Variants in SH3BGRL2 observed in about 807,000 individuals in gnomAD.
SH3BGRL2 encodes SH3 domain binding glutamate rich protein like 2, also known as SH3 domain-binding glutamic acid-rich-like protein 2.
In SH3BGRL2, 21 loss-of-function variants were observed where a neutral mutation model predicts 14.8. The observed-to-expected ratio is 1.42, with a 90% confidence interval of 1.01 to 2.05. The LOEUF (loss-of-function observed/expected upper bound fraction) is 2.05, where lower values mean the gene tolerates loss of function less well. Among genes scored for constraint, SH3BGRL2 ranks in the 30% most tolerant of loss-of-function variants. The pLI is 0.00. For synonymous variants in SH3BGRL2, 50 were observed against 47.8 expected, an observed-to-expected ratio of 1.05 and a Z score of -0.19; for missense variants, 147 against 130.8, an observed-to-expected ratio of 1.12 and a Z score of -0.61.
intron 3 of SH3BGRL2, 122 bp from the exon 4 acceptor site, chr6:79,699,376 T>C: frequency 1.7e-6 from 2 of 1,143,588 alleles, no homozygotes. Flanking sequence ...GGAGGTGATC[T>C]GTTATGATTT....
the SH3BGRL2 span, among the ~76,000 whole-genome samples, chr6:79,625,494 C>T: frequency 0.27 from 40,242 of 151,836 alleles, 5,422 homozygotes; most frequent in East Asian, 0.31. Flanking sequence ...TTAATTATGG[C>T]CTCTAAACTT....
At chr6:79,659,358 C>T (rs1769491939) in intron 1 of SH3BGRL2, among the ~76,000 whole-genome samples, 2 of 152,178 alleles carry the variant, frequency 1.3e-5, no homozygotes, top group African/African-American at 4.8e-5. Flanking sequence ...CTACATATGG[C>T]TAGCCAGTTT....
At chr6:79,655,676 G>A (rs1392700510) in intron 1 of SH3BGRL2, among the ~76,000 whole-genome samples, 1 of 152,078 alleles carries the variant, frequency 6.6e-6, no homozygotes, top group African/African-American at 2.4e-5. Flanking sequence ...CATACAAATG[G>A]AATTATATGA....
At chr6:79,625,572 A>G in the SH3BGRL2 span, among the ~76,000 whole-genome samples, 1 of 152,226 alleles carries the variant, frequency 6.6e-6, no homozygotes, top group African/African-American at 2.4e-5. Flanking sequence ...AGGCTTATAC[A>G]AAACCAGATA....
At chr6:79,544,262 C>G in the SH3BGRL2 span, among the ~76,000 whole-genome samples, 1 of 152,072 alleles carries the variant, frequency 6.6e-6, no homozygotes, top group Non-Finnish European at 1.5e-5. Flanking sequence ...CTAGAGCAAG[C>G]CAATGGAGTT....
chr6:79,681,428 T>G (rs1769985691), intron 2 of SH3BGRL2, among the ~76,000 whole-genome samples: 1 of 152,144 alleles, frequency 6.6e-6, no homozygotes, highest in Non-Finnish European at 1.5e-5. Flanking sequence ...AAGTAGTGAT[T>G]TGGGGCTAAC....
At chr6:79,584,397 T>C in the SH3BGRL2 span, among the ~76,000 whole-genome samples, 2 of 152,174 alleles carry the variant, frequency 1.3e-5, no homozygotes, top group African/African-American at 4.8e-5. Context: ...ATTATTTTAA[T>C]TGTTATTTTT....
the SH3BGRL2 span, among the ~76,000 whole-genome samples, chr6:79,607,320 C>G: frequency 6.6e-6 from 1 of 152,152 alleles, no homozygotes; most frequent in Non-Finnish European, 1.5e-5. Flanking sequence ...AAGCAGAGCC[C>G]TGGACTATTA....
chr6:79,692,155 T>C (rs1209464652), intron 2 of SH3BGRL2, among the ~76,000 whole-genome samples: 1 of 152,272 alleles, frequency 6.6e-6, no homozygotes, highest in Non-Finnish European at 1.5e-5. Flanking sequence ...AAATGTCTTC[T>C]TTTGAGAAGT....
chr6:79,683,609 T>C (rs1030373993), intron 2 of SH3BGRL2, among the ~76,000 whole-genome samples: 10 of 152,038 alleles, frequency 6.6e-5, no homozygotes, highest in African/African-American at 2.4e-4. Flanking sequence ...CCACCATGCC[T>C]GGCTAATTTT....
At chr6:79,551,716 A>G in the SH3BGRL2 span, among the ~76,000 whole-genome samples, 1 of 152,212 alleles carries the variant, frequency 6.6e-6, no homozygotes, top group Non-Finnish European at 1.5e-5. Flanking sequence ...GAACAAACAC[A>G]CGTGTAACAT....
chr6:79,584,399 G>A, the SH3BGRL2 span, among the ~76,000 whole-genome samples: 41 of 152,084 alleles, frequency 2.7e-4, no homozygotes, highest in African/African-American at 9.9e-4. Context: ...TATTTTAATT[G>A]TTATTTTTCC....
At chr6:79,569,420 A>G in the SH3BGRL2 span, among the ~76,000 whole-genome samples, 12 of 152,228 alleles carry the variant, frequency 7.9e-5, no homozygotes, top group African/African-American at 2.9e-4. Flanking sequence ...AAGACCTGGT[A>G]AGGGAAAGAG....
the SH3BGRL2 span, among the ~76,000 whole-genome samples, chr6:79,590,426 TATATATA>T: frequency 6.6e-4 from 37 of 55,890 alleles, no homozygotes; most frequent in South Asian, 3.6e-3. Context: ...GAAAATGTGA[TATATATA>T]TATATATATA....
chr6:79,658,952 G>C (rs904068989), intron 1 of SH3BGRL2, among the ~76,000 whole-genome samples: 1 of 152,218 alleles, frequency 6.6e-6, no homozygotes, highest in Non-Finnish European at 1.5e-5. Context: ...TTTGAGAAGT[G>C]TCTGTTCATA....
At chr6:79,670,629 G>A (rs56355555) in intron 1 of SH3BGRL2, among the ~76,000 whole-genome samples, 18,118 of 152,250 alleles carry the variant, frequency 0.12, 1,224 homozygotes, top group Non-Finnish European at 0.15. Context: ...GGTGCAAGCT[G>A]TAGAAAACTG....
At position 79,648,932 on chromosome 6, in the gene SH3BGRL2, G is replaced by A. The variant is rs554146149; in HGVS notation, c.45+17426G>A. ...ATAACTTTATTGTAGAATTCTATTC[G>A]ATATCAGAATTCTAGAACCATGTAG... On this transcript the variant is annotated intron_variant, in intron 1 of 3. Transcript: ENST00000369838. Among the ~76,000 whole-genome samples, 73 of 152,204 alleles carry A rather than the reference G, an allele frequency of 4.8e-4. 1 individual carries two copies. The Middle Eastern group carries it at 0.02, about 43-fold the overall frequency.
the SH3BGRL2 span, among the ~76,000 whole-genome samples, chr6:79,614,918 G>C: frequency 6.6e-6 from 1 of 152,180 alleles, no homozygotes; most frequent in African/African-American, 2.4e-5. Context: ...TCTGGGAGTA[G>C]AAACAGAAAG....
chr6:79,634,328 T>C (rs781484610), intron 1 of SH3BGRL2, among the ~76,000 whole-genome samples: 1 of 152,220 alleles, frequency 6.6e-6, no homozygotes, highest in Non-Finnish European at 1.5e-5. Flanking sequence ...ATTATTATGC[T>C]ACAGATACCT....
Sources: gnomAD v4.1 joint callset for allele counts (sites outside exome capture counted in the v4.1 genomes callset) on GRCh38, gnomAD v4.1.1 for gene constraint, MANE v1.5 for transcripts, NCBI Gene and HGNC (gene_info 2026-07-23, HGNC 2026-07-21) for gene names.